The following ITPR3 variants were observed in gnomAD, a reference collection of about 807,000 sequenced individuals.
The protein encoded by ITPR3 is inositol 1,4,5-trisphosphate-gated calcium channel ITPR3.
A neutral mutation model predicts 293.2 loss-of-function variants in ITPR3; 173 were observed. The observed-to-expected ratio is 0.59, with a 90% CI of 0.52 to 0.67. The LOEUF (loss-of-function observed/expected upper bound fraction) is 0.67. Ranked by LOEUF, ITPR3 falls within the 30% of genes least tolerant of loss-of-function variation. The probability of loss-of-function intolerance (pLI) is 0.00; values close to 1 mark genes in which losing one functional copy is unlikely to be tolerated. For synonymous variants in ITPR3, 1,295 were observed against 1,444.4 expected, an observed-to-expected ratio of 0.90 and a Z score of 2.35; for missense variants, 2,796 against 3,592.1, an observed-to-expected ratio of 0.78 and a Z score of 5.66.
chr6:33,685,421 C>T lies in ITPR3; in HGVS notation c.5370C>T (p.His1790=), dbSNP rs774833789. The T allele has an allele frequency of 5.6e-6, 9 of 1,614,012 alleles. No individual in the cohort carries two copies. Among genetic ancestry groups the T allele is most frequent in the Admixed American group, 3.3e-5 (2 of 60,008 alleles). The change falls in exon 40 of 58, where the codon CAC becomes CAT. Residue 1790 remains histidine, a synonymous_variant. Transcript: ENST00000605930. The part of the protein sequence containing the change: ...KKSERFFKVL[H]DRMKRAQQET... The stretch of plus-strand genomic sequence containing the variant: ...CAGAGCGCTTCTTCAAGGTGCTGCA[C>T]GACCGCATGAAGCGGGCCCAGCAGG...
At chr6:33,629,228 C>T (rs956935385) in intron 1 of ITPR3, among the ~76,000 whole-genome samples, 1 of 152,040 alleles carries the variant, frequency 6.6e-6, no homozygotes, top group African/African-American at 2.4e-5. Flanking sequence ...TACATTGCAT[C>T]TTTTTCACCT....
Position 33,672,414 on chromosome 6 carries a change from G to A in ITPR3, c.2928+186G>A, listed in dbSNP as rs1033681841. On this transcript the variant is annotated intron_variant, in intron 22 of 57. Coordinates refer to ENST00000605930, the MANE Select transcript of ITPR3 (RefSeq NM_002224.4). The surrounding 1 kb of genome is among the most constrained non-coding windows in gnomAD (Gnocchi z 5.0). ...GTTCTTGGGCCAGCCTCACCTGGGA[G>A]CTTGTTAGAAGTGCACATTCTCGGT... is the stretch of plus-strand genomic sequence containing the variant. Among the ~76,000 whole-genome samples the A allele has an allele frequency of 1.3e-5, 2 of 152,060 alleles. No individual in the cohort carries two copies. Among genetic ancestry groups the A allele is most frequent in the Non-Finnish European group, 2.9e-5 (2 of 68,010 alleles).
rs1582145252 is a variant in ITPR3, at chr6:33,673,712, A to C, written c.3050A>C (p.Asp1017Ala). ...GCTGATGGCACAGCCCCTGCCTTCG[A>C]CTCTACCAGTAAGCCCCTGCCCTGC... is the stretch of plus-strand genomic sequence containing the variant. ...SGADGTAPAF[D>A]STTANMNLDR... The change falls in exon 23 of 58, where the codon GAC becomes GCC. Residue 1017 changes from aspartate (D) to alanine (A), a missense_variant. Physicochemically the swap from Asp to Ala is moderately radical, Grantham distance 126. Transcript: ENST00000605930. 1 of 1,613,520 alleles carries C rather than the reference A, an allele frequency of 6.2e-7. No individual in the cohort carries two copies. Among genetic ancestry groups the C allele is most frequent in the Non-Finnish European group, 8.5e-7 (1 of 1,179,814 alleles).
Position 33,685,464 on chromosome 6 carries a change from GCA to G in ITPR3, c.5414_5415del (p.Ala1805GlyfsTer5). 6.2e-7 allele frequency: 1 copy of G among 1,613,920 alleles called. No individual in the cohort carries two copies. The highest frequency in any genetic ancestry group is 8.5e-7 in the Non-Finnish European group (1 of 1,179,962). On this transcript the variant is annotated frameshift_variant, in exon 40 of 58. Coordinates refer to ENST00000605930, the MANE Select transcript of ITPR3 (RefSeq NM_002224.4). LOFTEE classifies it high-confidence loss of function. ...RAQQETKSTV[A>X]VNMNDLGSQP... The stretch of plus-strand genomic sequence containing the variant: ...CCAGCAGGAGACCAAGTCCACGGTG[GCA>G]GTCAACATGAATGACCTGGGCAGCC...
In ITPR3 at chr6:33,695,037, G is replaced by A; in HGVS notation, c.7899G>A (p.Met2633Ile). The change falls in exon 57 of 58, where the codon ATG becomes ATA. Residue 2633 changes from methionine to isoleucine, a missense_variant. Met to Ile is a conservative substitution (Grantham distance 10). Transcript: ENST00000605930. Reference sequence around the variant, plus strand: ...TCCAGGACAAGCTCAACTCCACCATGAAGCTGGTGTCCCACCTCACTGCCC... The same window carrying A: ...TCCAGGACAAGCTCAACTCCACCATAAAGCTGGTGTCCCACCTCACTGCCC... ...RILQDKLNST[M>I]KLVSHLTAQL... The A allele has an allele frequency of 6.2e-7, 1 of 1,614,088 alleles. No individual in the cohort carries two copies. Among genetic ancestry groups the A allele is most frequent in the Non-Finnish European group, 8.5e-7 (1 of 1,180,022 alleles).
Position 33,685,364 on chromosome 6 carries a change from C to T in ITPR3, c.5313C>T (p.Ser1771=), listed in dbSNP as rs1039443304. Residue 1771 remains serine (S), a synonymous_variant, in exon 40 of 58, where the codon TCC becomes TCT. Transcript: ENST00000605930. ...TGGCCACTGTCCACCTCCAGAAATCCTTCCACAACCTGATGATGAGTGACA... is the reference window on the plus strand; with the variant it reads ...TGGCCACTGTCCACCTCCAGAAATCTTTCCACAACCTGATGATGAGTGACA... ...LDGGNTEIQK[S]FHNLMMSDKK... 1 of 1,609,152 alleles carries T rather than the reference C, an allele frequency of 6.2e-7. No individual in the cohort carries two copies. The highest frequency in any genetic ancestry group is 8.5e-7 in the Non-Finnish European group (1 of 1,175,854).
intron 18 of ITPR3, 84 bp downstream of exon 18, chr6:33,669,240 G>C: frequency 7.1e-7 from 1 of 1,415,812 alleles, no homozygotes; most frequent in Admixed American, 1.9e-5. Context: ...TGCTGAGGAT[G>C]AGCTCTGACA....
chr6:33,661,992 G>GA lies in ITPR3; in HGVS notation c.712-511dup, dbSNP rs55958712. On this transcript the variant is annotated intron_variant, in intron 7 of 57. Coordinates refer to ENST00000605930, the MANE Select transcript of ITPR3 (RefSeq NM_002224.4). ...CCTGGGCAACAGAGTGACTGTCTCT[G>GA]AAAAAAAAAAAAAAAAAAAAAAAAA... Among the ~76,000 whole-genome samples, 306 of 47,176 alleles carry GA rather than the reference G, an allele frequency of 6.5e-3. 37 individuals carry two copies. The highest frequency in any genetic ancestry group is 0.023 in the East Asian group (23 of 1,010). 30.9% of individuals were successfully genotyped at this position (47,176 alleles called of 152,430 possible). A position where few individuals can be genotyped will look rare whatever the true frequency, so the allele number is the denominator to read the frequency against.
rs1321060360 is a variant in ITPR3, at chr6:33,672,708, T to C, written c.2928+480T>C. Among the ~76,000 whole-genome samples, 2 of 152,096 alleles carry C rather than the reference T, an allele frequency of 1.3e-5. No homozygotes were observed. Among genetic ancestry groups the C allele is most frequent in the Non-Finnish European group, 2.9e-5 (2 of 68,016 alleles). ...GATTCTGAGGTGCACTGAAGTCTAG[T>C]TCAATTCTCCCATTTTACAGATGGG... On this transcript the variant is annotated intron_variant, in intron 22 of 57. Transcript: ENST00000605930. The surrounding 1 kb of genome is among the most constrained non-coding windows in gnomAD (Gnocchi z 5.0).
In ITPR3 at chr6:33,658,810, G is replaced by T. The variant is rs758074992; in HGVS notation, c.510G>T (p.Leu170=). 6.2e-7 allele frequency: 1 copy of T among 1,614,170 alleles called. No homozygotes were observed. ...SWLFIQPFWK[L]RSNGDNVVVG... ...TCTTCATCCAGCCCTTCTGGAAGCT[G>T]CGGAGCAACGGGGACAACGTGAGGG... The change falls in exon 5 of 58, where the codon CTG becomes CTT. Residue 170 remains leucine, a synonymous_variant. Transcript: ENST00000605930. The surrounding 1 kb of genome is among the most constrained non-coding windows in gnomAD (Gnocchi z 6.1).
intron 1 of ITPR3, among the ~76,000 whole-genome samples, chr6:33,626,959 C>T (rs942985180): frequency 6.6e-6 from 1 of 152,222 alleles, no homozygotes; most frequent in Non-Finnish European, 1.5e-5. Context: ...GCATGTGCCA[C>T]CACGCCCGGC....
chr6:33,686,538 T>A lies in ITPR3; in HGVS notation c.5979+19T>A. The A allele has an allele frequency of 6.4e-7, 1 of 1,572,398 alleles. No individual in the cohort carries two copies. Among genetic ancestry groups the A allele is most frequent in the Non-Finnish European group, 8.8e-7 (1 of 1,142,742 alleles). Reference sequence around the variant, plus strand: ...GCTCAAGGTGGGGCCCAGTGGCAGGTGTGTGAGTGCTGGGTGTGCATGTGA... The same window carrying A: ...GCTCAAGGTGGGGCCCAGTGGCAGGAGTGTGAGTGCTGGGTGTGCATGTGA... On this transcript the variant is annotated intron_variant, in intron 43 of 57. Transcript: ENST00000605930.
At position 33,692,972 on chromosome 6, in the gene ITPR3, C is replaced by T. The variant is rs551379886; in HGVS notation, c.7624+79C>T. Reference sequence around the variant, plus strand: ...GATGCCAGTGGCAGTAGCGGTTTGGCCCTTCCTGCCCTGGGGAACCCTGGC... The same window carrying T: ...GATGCCAGTGGCAGTAGCGGTTTGGTCCTTCCTGCCCTGGGGAACCCTGGC... On this transcript the variant is annotated intron_variant, in intron 55 of 57. Transcript: ENST00000605930. This position sits in a 1 kb window ranked among gnomAD's most constrained non-coding sequence, Gnocchi z 4.2. 1.6e-5 allele frequency: 23 copies of T among 1,454,914 alleles called. No individual in the cohort carries two copies. The African/African-American group carries it at 2.4e-4, about 15-fold the overall frequency. The allele number at this position is 1,454,914 out of a possible 1,614,324, so 90.1% of individuals were successfully genotyped here. A position where few individuals can be genotyped will look rare whatever the true frequency, so the allele number is the denominator to read the frequency against.
chr6:33,678,564 G>A (rs1326671865), intron 29 of ITPR3, 21 bp downstream of exon 29: 5 of 1,348,664 alleles, frequency 3.7e-6, no homozygotes, highest in East Asian at 2.9e-5. Flanking sequence ...AGGGCTGGGA[G>A]CACCTGGACG....
In ITPR3 at chr6:33,676,918, A is replaced by G; in HGVS notation, c.3433A>G (p.Lys1145Glu). 1.9e-6 allele frequency: 3 copies of G among 1,614,066 alleles called. No individual in the cohort carries two copies. The highest frequency in any genetic ancestry group is 2.5e-6 in the Non-Finnish European group (3 of 1,179,958). Residue 1145 changes from lysine to glutamate, a missense_variant, in exon 26 of 58, where the codon AAG becomes GAG. Lys to Glu is a moderately conservative substitution (Grantham distance 56). Coordinates refer to ENST00000605930, the MANE Select transcript of ITPR3 (RefSeq NM_002224.4). ...KGEEVEAGAAKDKKERPTDEE... is the reference protein window; with the variant it reads ...KGEEVEAGAAEDKKERPTDEE... ...TGAGGAGGTGGAGGCAGGCGCCGCC[A>G]AGGACAAGAAAGAGGTAAGTGGGGC...
chr6:33,678,326 A>C (rs1287428853), intron 28 of ITPR3, 95 bp from the exon 29 acceptor site: 2 of 1,534,042 alleles, frequency 1.3e-6, no homozygotes, highest in Non-Finnish European at 1.8e-6. Context: ...TCCCAGTCCC[A>C]AGCCCGACCC....
At chr6:33,626,536 C>A (rs1223507515) in intron 1 of ITPR3, among the ~76,000 whole-genome samples, 4 of 152,228 alleles carry the variant, frequency 2.6e-5, no homozygotes, top group Non-Finnish European at 1.5e-5. Context: ...CTACCTGCCC[C>A]TCAGCCCAGA....
In ITPR3 at chr6:33,683,260, A is replaced by ATGCTC; in HGVS notation, c.4652_4656dup (p.Ser1553CysfsTer56). On this transcript the variant is annotated frameshift_variant, in exon 35 of 58. Coordinates refer to ENST00000605930, the MANE Select transcript of ITPR3 (RefSeq NM_002224.4). LOFTEE classifies it high-confidence loss of function. The surrounding 1 kb of genome is among the most constrained non-coding windows in gnomAD (Gnocchi z 4.5). ...GGACCTGGATGCCCACATCAGCTCG[A>ATGCTC]TGCTCAGCAGTGGAGCCAGCTGTGC... 6.4e-7 allele frequency: 1 copy of ATGCTC among 1,569,474 alleles called. No individual in the cohort carries two copies. Among genetic ancestry groups the ATGCTC allele is most frequent in the South Asian group, 1.2e-5 (1 of 84,960 alleles).
Position 33,692,038 on chromosome 6 carries a change from C to A in ITPR3, c.7458+110C>A. 1 of 1,432,422 alleles carries A rather than the reference C, an allele frequency of 7.0e-7. No homozygotes were observed. Among genetic ancestry groups the A allele is most frequent in the Non-Finnish European group, 9.7e-7 (1 of 1,034,472 alleles). 88.7% of individuals were successfully genotyped at this position (1,432,422 alleles called of 1,614,324 possible). On this transcript the variant is annotated intron_variant, in intron 54 of 57. Transcript: ENST00000605930. This position sits in a 1 kb window ranked among gnomAD's most constrained non-coding sequence, Gnocchi z 4.2. The stretch of plus-strand genomic sequence containing the variant: ...CGCGTCAGATATTCAGGGTTGAACC[C>A]CCTCCCCCGAACTTGTATCCACTTT...
Sources: allele counts gnomAD v4.1 joint callset (sites outside exome capture counted in the v4.1 genomes callset), GRCh38; gene constraint gnomAD v4.1.1; non-coding constraint Gnocchi (gnomAD v3.1); transcripts MANE v1.5; gene names NCBI Gene and HGNC (gene_info 2026-07-23, HGNC 2026-07-21).